Variants in TRAF3IP1 observed in about 807,000 individuals in gnomAD.
TRAF3IP1 encodes TRAF3-interacting protein 1.
TRAF3IP1 carries 53 observed loss-of-function variants against 89.9 expected under a neutral mutation model. The ratio of observed to expected loss-of-function variants is 0.59; its 90% CI spans 0.47 to 0.74. The LOEUF is 0.74. Ranked by LOEUF, TRAF3IP1 falls within the 30% of genes least tolerant of loss-of-function variation. The probability of loss-of-function intolerance (pLI) is 0.00; values close to 1 mark genes in which losing one functional copy is unlikely to be tolerated. For missense variants in TRAF3IP1, 806 were observed against 866.1 expected (o/e 0.93, Z 0.87); for synonymous variants, 311 against 322.1 (o/e 0.97, Z 0.37).
chr2:238,357,420 C>T (rs1467148016), intron 15 of TRAF3IP1, among the ~76,000 whole-genome samples: 1 of 152,174 alleles, frequency 6.6e-6, no homozygotes, highest in East Asian at 1.9e-4. Context: ...CACATGCACA[C>T]ATATATGTAT....
intron 15 of TRAF3IP1, among the ~76,000 whole-genome samples, chr2:238,371,429 A>G (rs1700108205): frequency 6.6e-6 from 1 of 152,228 alleles, no homozygotes; most frequent in South Asian, 2.1e-4. Context: ...AGAAAAAGGA[A>G]CAGTTGCTTC....
intron 7 of TRAF3IP1, 24 bp from the exon 8 acceptor site, chr2:238,338,338 C>G: frequency 7.4e-7 from 1 of 1,345,140 alleles, no homozygotes; most frequent in Non-Finnish European, 1.0e-6. Context: ...ATATTTTAAT[C>G]TGTTGTTAAC....
intron 15 of TRAF3IP1, among the ~76,000 whole-genome samples, chr2:238,386,159 G>T (rs1265815087): frequency 6.6e-6 from 1 of 152,148 alleles, no homozygotes; most frequent in Non-Finnish European, 1.5e-5. Context: ...GTTTTGGGGA[G>T]CTGGCAAGCT....
rs1559402755 is a variant in TRAF3IP1, at chr2:238,398,948, C to A, written c.*29C>A. On this transcript the variant is annotated 3_prime_UTR_variant, in exon 17 of 17. Transcript: ENST00000373327. ...CTCAAAAGTTTCAGAGATGAAAAGTCACCTCAGTTTAAAAGCAAAAAGGAA... is the reference window on the plus strand; with the variant it reads ...CTCAAAAGTTTCAGAGATGAAAAGTAACCTCAGTTTAAAAGCAAAAAGGAA... 6.4e-7 allele frequency: 1 copy of A among 1,569,532 alleles called. No individual in the cohort carries two copies. Among genetic ancestry groups the A allele is most frequent in the South Asian group, 1.2e-5 (1 of 83,286 alleles).
intron 8 of TRAF3IP1, among the ~76,000 whole-genome samples, chr2:238,343,462 G>A (rs566373439): frequency 6.6e-6 from 1 of 151,748 alleles, no homozygotes; most frequent in Non-Finnish European, 1.5e-5. Flanking sequence ...GCTCACTGCA[G>A]CCTCGACCTC....
Position 238,371,121 on chromosome 2 carries a change from G to A in TRAF3IP1, c.1689+15041G>A, listed in dbSNP as rs533459525. ...CTAGCTTTCTGATCTCAGTTAATGC[G>A]ACATTGAAAGTCTGTTTTTTAGAGG... On this transcript the variant is annotated intron_variant, in intron 15 of 16. Transcript: ENST00000373327. 2.0e-5 allele frequency among the ~76,000 whole-genome samples: 3 copies of A among 152,316 alleles called. No individual in the cohort carries two copies. In the South Asian group the frequency reaches 6.2e-4, roughly 32 times the overall value.
intron 1 of TRAF3IP1, among the ~76,000 whole-genome samples, chr2:238,324,334 C>G (rs1697705040): frequency 6.6e-6 from 1 of 152,144 alleles, no homozygotes; most frequent in African/African-American, 2.4e-5. Context: ...TCCCAAAGTG[C>G]TGGGATTACA....
intron 9 of TRAF3IP1, among the ~76,000 whole-genome samples, chr2:238,346,296 T>G (rs1288056676): frequency 3.9e-5 from 6 of 152,140 alleles, no homozygotes; most frequent in Non-Finnish European, 7.4e-5. Flanking sequence ...ACTGCCCTTG[T>G]AGTGGCACTA....
At chr2:238,393,902 G>T (rs1701101603) in intron 15 of TRAF3IP1, among the ~76,000 whole-genome samples, 1 of 152,112 alleles carries the variant, frequency 6.6e-6, no homozygotes, top group Non-Finnish European at 1.5e-5. Flanking sequence ...TACTGTAATT[G>T]TATAAAAAGA....
At chr2:238,347,997 T>C (rs922079476) in intron 10 of TRAF3IP1, among the ~76,000 whole-genome samples, 2 of 152,208 alleles carry the variant, frequency 1.3e-5, no homozygotes, top group Non-Finnish European at 2.9e-5. Flanking sequence ...TCAGGATTTT[T>C]TTCCAGAATA....
At chr2:238,396,707 G>T (rs1470716950) in intron 15 of TRAF3IP1, among the ~76,000 whole-genome samples, 1 of 152,114 alleles carries the variant, frequency 6.6e-6, no homozygotes, top group Non-Finnish European at 1.5e-5. Context: ...AGAACTCCTG[G>T]CCCAAACCGC....
intron 12 of TRAF3IP1, among the ~76,000 whole-genome samples, chr2:238,350,651 A>G (rs6721827): frequency 0.12 from 18,542 of 152,088 alleles, 1,984 homozygotes; most frequent in African/African-American, 0.29. Flanking sequence ...TGAACCTCCT[A>G]CAATGCACAG....
chr2:238,388,836 G>T (rs545333420), intron 15 of TRAF3IP1, among the ~76,000 whole-genome samples: 2 of 151,858 alleles, frequency 1.3e-5, no homozygotes, highest in African/African-American at 4.8e-5. Context: ...GTTTCACCAC[G>T]TTGTCCAGGC....
Position 238,348,161 on chromosome 2 carries a change from A to G in TRAF3IP1, c.1283-603A>G, listed in dbSNP as rs191868215. On this transcript the variant is annotated intron_variant, in intron 10 of 16. Coordinates refer to ENST00000373327, the MANE Select transcript of TRAF3IP1 (RefSeq NM_015650.4). ...AAATGAAGAAAACTTTGTTCAGATTATAAACATAATATGGTATACCAATGT... is the reference window on the plus strand; with the variant it reads ...AAATGAAGAAAACTTTGTTCAGATTGTAAACATAATATGGTATACCAATGT... Among the ~76,000 whole-genome samples, 612 of 152,236 alleles carry G rather than the reference A, an allele frequency of 4.0e-3. 4 individuals are homozygous for G. The highest frequency in any genetic ancestry group is 0.014 in the African/African-American group (594 of 41,560).
chr2:238,374,711 C>G (rs976615894), intron 15 of TRAF3IP1, among the ~76,000 whole-genome samples: 2 of 152,158 alleles, frequency 1.3e-5, no homozygotes, highest in Non-Finnish European at 2.9e-5. Flanking sequence ...ACGGTACCAG[C>G]TCCTCTTTGT....
rs146820102 is a variant in TRAF3IP1, at chr2:238,348,839, C to T, written c.1358C>T (p.Ser453Phe). ...ETPEIPNELS[S>F]NIRRIPRPGS... Reference sequence around the variant, plus strand: ...CCAGAAATTCCTAATGAGCTTTCATCCAACATCAGGTCTGTGTGCTTTGAA... The same window carrying T: ...CCAGAAATTCCTAATGAGCTTTCATTCAACATCAGGTCTGTGTGCTTTGAA... Residue 453 changes from serine to phenylalanine, a missense_variant, in exon 11 of 17, where the codon TCC becomes TTC. Physicochemically the swap from Ser to Phe is radical, Grantham distance 155 (BLOSUM62 -2). Transcript: ENST00000373327. 165 of 1,614,046 alleles carry T rather than the reference C, an allele frequency of 1.0e-4. No homozygotes were observed. In the East Asian group the frequency reaches 2.9e-3, roughly 28 times the overall value.
At chr2:238,387,601 T>A (rs1700825529) in intron 15 of TRAF3IP1, among the ~76,000 whole-genome samples, 1 of 152,206 alleles carries the variant, frequency 6.6e-6, no homozygotes, top group South Asian at 2.1e-4. Context: ...CACGTGCTCA[T>A]CTCTATTGGG....
In TRAF3IP1 at chr2:238,353,169, T is replaced by C. The variant is rs768489849; in HGVS notation, c.1576-4T>C. Reference sequence around the variant, plus strand: ...TTCTTTTTCCCCCTTCCTTTCCTGCTCAGGTAACAGCAGTGGAACTAGAAG... The same window carrying C: ...TTCTTTTTCCCCCTTCCTTTCCTGCCCAGGTAACAGCAGTGGAACTAGAAG... On this transcript the variant is annotated splice_region_variant and splice_polypyrimidine_tract_variant and intron_variant, in intron 13 of 16. Coordinates refer to ENST00000373327, the MANE Select transcript of TRAF3IP1 (RefSeq NM_015650.4). The C allele has an allele frequency of 7.4e-6, 12 of 1,614,068 alleles. No homozygotes were observed. The highest frequency in any genetic ancestry group is 1.0e-5 in the Non-Finnish European group (12 of 1,180,036).
At chr2:238,370,302 TG>T (rs1700055041) in intron 15 of TRAF3IP1, among the ~76,000 whole-genome samples, 1 of 152,140 alleles carries the variant, frequency 6.6e-6, no homozygotes, top group Admixed American at 6.6e-5. Context: ...CATGTGTGTA[TG>T]TTTATGTCTG....
Sources: allele counts gnomAD v4.1 joint callset (sites outside exome capture counted in the v4.1 genomes callset), GRCh38; gene constraint gnomAD v4.1.1; transcripts MANE v1.5; gene names NCBI Gene and HGNC (gene_info 2026-07-23, HGNC 2026-07-21).